SH3GL3: variants seen among roughly 807,000 people sequenced by gnomAD.
SH3GL3 encodes endophilin-A3.
Under a neutral mutation model 47.7 loss-of-function variants are expected in SH3GL3, and 33 were observed. That is an observed-to-expected ratio of 0.69 (90% CI 0.52 to 0.92). The LOEUF is 0.92. Among genes scored for constraint, SH3GL3 ranks in the 40% least tolerant of loss-of-function variants. The probability of loss-of-function intolerance (pLI) is 0.00; values close to 1 mark genes in which losing one functional copy is unlikely to be tolerated. For synonymous variants in SH3GL3, 155 were observed against 148.8 expected (o/e 1.04, Z -0.30); for missense variants, 363 against 417.8 (o/e 0.87, Z 1.14).
At chr15:83,458,066 C>G (rs1046735405) in intron 1 of SH3GL3, among the ~76,000 whole-genome samples, 2 of 152,186 alleles carry the variant, frequency 1.3e-5, no homozygotes, top group Non-Finnish European at 2.9e-5. Flanking sequence ...GAAGCTATTA[C>G]TGGCATGCTT....
chr15:83,602,664 T>C (rs2060417512), intron 8 of SH3GL3, among the ~76,000 whole-genome samples: 1 of 152,108 alleles, frequency 6.6e-6, no homozygotes, highest in South Asian at 2.1e-4. Context: ...CCATAGCAAA[T>C]AGGAAATACA....
In SH3GL3 at chr15:83,562,921, G is replaced by A. The variant is rs150174441; in HGVS notation, c.115-2213G>A. Among the ~76,000 whole-genome samples the A allele has an allele frequency of 2.2e-4, 34 of 152,222 alleles. No individual in the cohort carries two copies. In the East Asian group the frequency reaches 5.6e-3, roughly 25 times the overall value. ...CACAAAACTTGTTACTAGGCCAAAC[G>A]CACACTCACATGCCCACTTGCACAC... On this transcript the variant is annotated intron_variant, in intron 2 of 8. Transcript: ENST00000427482.
At chr15:83,483,541 G>A (rs1345205461) in intron 1 of SH3GL3, among the ~76,000 whole-genome samples, 1 of 152,162 alleles carries the variant, frequency 6.6e-6, no homozygotes, top group Non-Finnish European at 1.5e-5. Context: ...TGTGTGATTT[G>A]TTTACTGTTG....
At chr15:83,512,036 G>A (rs745753697) in intron 1 of SH3GL3, among the ~76,000 whole-genome samples, 7 of 152,016 alleles carry the variant, frequency 4.6e-5, no homozygotes, top group African/African-American at 7.3e-5. Flanking sequence ...TGGGAGTTTC[G>A]CATTGACAAG....
chr15:83,627,461 A>G, the SH3GL3 span, among the ~76,000 whole-genome samples: 1 of 152,182 alleles, frequency 6.6e-6, no homozygotes, highest in South Asian at 2.1e-4. Flanking sequence ...GCTGTATTTC[A>G]TATGTCCTAG....
intron 8 of SH3GL3, among the ~76,000 whole-genome samples, chr15:83,617,559 C>T (rs1257789972): frequency 1.3e-5 from 2 of 152,114 alleles, no homozygotes; most frequent in Non-Finnish European, 2.9e-5. Flanking sequence ...GCCTGTAGTC[C>T]CAGCTGCTTG....
chr15:83,593,939 C>T (rs565818566), intron 8 of SH3GL3, among the ~76,000 whole-genome samples: 2 of 152,144 alleles, frequency 1.3e-5, no homozygotes, highest in Non-Finnish European at 2.9e-5. Flanking sequence ...CCACGTTAGC[C>T]TCCCACATAG....
chr15:83,559,162 A>G lies in SH3GL3; in HGVS notation c.46-91A>G, dbSNP rs370528005. 180 of 767,298 alleles carry G rather than the reference A, an allele frequency of 2.3e-4. No individual in the cohort carries two copies. The East Asian group carries it at 3.7e-3, about 16-fold the overall frequency. The allele number at this position is 767,298 out of a possible 1,614,324, so 47.5% of individuals were successfully genotyped here. On this transcript the variant is annotated intron_variant, in intron 1 of 8. Transcript: ENST00000427482. ...TCAAAAAATCCAACAAGTTGAATCC[A>G]AGTTTTTTTGTTTCTGTTTTTAATA...
chr15:83,479,841 CTTA>C (rs1322060065), intron 1 of SH3GL3, among the ~76,000 whole-genome samples: 3 of 152,182 alleles, frequency 2.0e-5, no homozygotes, highest in Non-Finnish European at 4.4e-5. Context: ...GGCCACACTA[CTTA>C]TTATGCCTGA....
chr15:83,538,081 C>T (rs2043998669), intron 1 of SH3GL3, among the ~76,000 whole-genome samples: 3 of 152,062 alleles, frequency 2.0e-5, no homozygotes, highest in African/African-American at 4.8e-5. Context: ...TAGCATTTAG[C>T]GTGCAGGGAG....
At chr15:83,500,667 A>C (rs564402175) in intron 1 of SH3GL3, among the ~76,000 whole-genome samples, 1 of 152,250 alleles carries the variant, frequency 6.6e-6, no homozygotes, top group Non-Finnish European at 1.5e-5. Flanking sequence ...GGCACTGGGC[A>C]GATCAATTTC....
chr15:83,486,548 A>G (rs1232274533), intron 1 of SH3GL3, among the ~76,000 whole-genome samples: 2 of 152,188 alleles, frequency 1.3e-5, no homozygotes, highest in African/African-American at 2.4e-5. Flanking sequence ...TTTGATATTC[A>G]TCCATATTGT....
chr15:83,587,816 G>T (rs1365808534), intron 7 of SH3GL3, among the ~76,000 whole-genome samples: 1 of 152,058 alleles, frequency 6.6e-6, no homozygotes, highest in Non-Finnish European at 1.5e-5. Flanking sequence ...TTTTAAATTA[G>T]GTTTGATAAC....
At chr15:83,614,789 G>A (rs113068935) in intron 8 of SH3GL3, among the ~76,000 whole-genome samples, 1,855 of 152,190 alleles carry the variant, frequency 0.012, 42 homozygotes, top group African/African-American at 0.039. Flanking sequence ...ATTTCAAGCT[G>A]TCTAAACAAC....
chr15:83,501,035 T>G (rs2042274367), intron 1 of SH3GL3, among the ~76,000 whole-genome samples: 1 of 152,238 alleles, frequency 6.6e-6, no homozygotes, highest in African/African-American at 2.4e-5. Context: ...CTTTTTGGAA[T>G]TGGCTTATGC....
intron 1 of SH3GL3, among the ~76,000 whole-genome samples, chr15:83,457,814 G>T (rs2040072477): frequency 6.6e-6 from 1 of 151,974 alleles, no homozygotes; most frequent in African/African-American, 2.4e-5. Flanking sequence ...GATTGATTTT[G>T]ATTTTTTAAA....
chr15:83,623,590 A>G (rs1046542984), downstream of SH3GL3, among the ~76,000 whole-genome samples: 11 of 152,190 alleles, frequency 7.2e-5, no homozygotes, highest in Non-Finnish European at 1.3e-4. Flanking sequence ...GCCTGCTACC[A>G]TCTCGCAGGC....
chr15:83,509,740 G>A (rs560390086), intron 1 of SH3GL3, among the ~76,000 whole-genome samples: 22 of 152,088 alleles, frequency 1.4e-4, no homozygotes, highest in African/African-American at 4.3e-4. Flanking sequence ...TCAGAAATAT[G>A]AATAATTCAG....
rs1043538908 is a variant in SH3GL3 at position 83,448,446 on chromosome 15, G to A, written c.45+868G>A. 2.9e-4 allele frequency among the ~76,000 whole-genome samples: 17 copies of A among 57,754 alleles called. No individual in the cohort carries two copies. The East Asian group carries it at 6.9e-3, about 24-fold the overall frequency. 37.9% of individuals were successfully genotyped at this position (57,754 alleles called of 152,430 possible). ...AGGAGGGGAGACATGAAATTGATGT[G>A]TGTGTGTGTGTGTGTGTGTGTGTGT... On this transcript the variant is annotated intron_variant, in intron 1 of 8. Coordinates refer to ENST00000427482, the MANE Select transcript of SH3GL3 (RefSeq NM_003027.5). This position sits in a 1 kb window ranked among gnomAD's most constrained non-coding sequence, Gnocchi z 4.2.
Sources: allele counts gnomAD v4.1 joint callset (sites outside exome capture counted in the v4.1 genomes callset), GRCh38; gene constraint gnomAD v4.1.1; non-coding constraint Gnocchi (gnomAD v3.1); transcripts MANE v1.5; gene names NCBI Gene and HGNC (gene_info 2026-07-23, HGNC 2026-07-21).